SPATA17: variants seen among roughly 807,000 people sequenced by gnomAD.
SPATA17 encodes the protein spermatogenesis-associated protein 17.
SPATA17 carries 53 observed loss-of-function variants against 62.2 expected under a neutral mutation model. The ratio of observed to expected loss-of-function variants is 0.85; its 90% CI spans 0.68 to 1.07. The LOEUF is 1.07. SPATA17 is among the 50% of genes least tolerant of loss of function. The probability of loss-of-function intolerance (pLI) is 0.00; values close to 1 mark genes in which losing one functional copy is unlikely to be tolerated. For missense variants in SPATA17, 466 were observed against 425.5 expected (o/e 1.10, Z -0.84); for synonymous variants, 146 against 146.8 (o/e 0.99, Z 0.04).
At chr1:217,728,808 T>TATC (rs921030007) in intron 5 of SPATA17, among the ~76,000 whole-genome samples, 5 of 152,192 alleles carry the variant, frequency 3.3e-5, no homozygotes, top group African/African-American at 1.2e-4. Context: ...TTTCACGATT[T>TATC]ATCTATTGTG....
At chr1:217,690,473 A>ATTTTTTTTTTTTTTATTTTTTT (rs1671324811) in intron 5 of SPATA17, among the ~76,000 whole-genome samples, 1 of 79,530 alleles carries the variant, frequency 1.3e-5, no homozygotes, top group African/African-American at 5.1e-5. Context: ...TTTATTTTTT[A>ATTTTTTTTTTTTTTATTTTTTT]TTTTTTTTTT....
At chr1:217,739,638 C>T (rs1672583386) in intron 5 of SPATA17, 1 of 151,916 alleles carries the variant, frequency 6.6e-6, no homozygotes, top group Non-Finnish European at 1.5e-5. Flanking sequence ...GGTTTCCATC[C>T]TTTTATTTTT....
At chr1:217,858,408 T>G (rs911302064) in intron 9 of SPATA17, among the ~76,000 whole-genome samples, 3 of 152,188 alleles carry the variant, frequency 2.0e-5, no homozygotes, top group African/African-American at 7.2e-5. Flanking sequence ...GTTTGTCTTG[T>G]TTAATCACAA....
At chr1:217,645,706 G>A (rs1670165737) in intron 1 of SPATA17, among the ~76,000 whole-genome samples, 1 of 152,006 alleles carries the variant, frequency 6.6e-6, no homozygotes, top group African/African-American at 2.4e-5. Context: ...CTGCTCTACT[G>A]GACATTATGT....
At chr1:217,642,223 T>C (rs1301698290) in intron 1 of SPATA17, among the ~76,000 whole-genome samples, 1 of 152,218 alleles carries the variant, frequency 6.6e-6, no homozygotes, top group African/African-American at 2.4e-5. Flanking sequence ...TGGAATATTC[T>C]TTTTTCCTTT....
intron 8 of SPATA17, among the ~76,000 whole-genome samples, chr1:217,784,001 A>G (rs556912650): frequency 6.6e-6 from 1 of 152,064 alleles, no homozygotes; most frequent in Non-Finnish European, 1.5e-5. Flanking sequence ...TTTCTTATAG[A>G]TTCAAATCTA....
At chr1:217,636,699 C>T (rs992471912) in intron 1 of SPATA17, among the ~76,000 whole-genome samples, 3 of 152,186 alleles carry the variant, frequency 2.0e-5, no homozygotes, top group Admixed American at 1.3e-4. Context: ...GCTGGGATTA[C>T]AGGCGTGAGC....
At chr1:217,713,566 AG>A (rs1671929065) in intron 5 of SPATA17, among the ~76,000 whole-genome samples, 1 of 152,142 alleles carries the variant, frequency 6.6e-6, no homozygotes, top group Non-Finnish European at 1.5e-5. Flanking sequence ...CTTTGAGTGA[AG>A]GGGGAGAGAT....
At chr1:217,752,139 A>G (rs1209234609) in intron 6 of SPATA17, among the ~76,000 whole-genome samples, 5 of 151,924 alleles carry the variant, frequency 3.3e-5, no homozygotes, top group African/African-American at 9.7e-5. Flanking sequence ...GTGCTCTCCC[A>G]CCCCAGCCTC....
rs781474046 is a variant in SPATA17, at chr1:217,631,410, C to G, written c.32C>G (p.Ser11Trp). ...ACGTTAGCCCGGCTGCAAGCTAGGT[C>G]GTCGACTGTAGGAAATCAGTACTAC... The part of the protein sequence containing the change: MATLARLQAR[S>W]STVGNQYYFR... The change falls in exon 1 of 11, where the codon TCG becomes TGG. Residue 11 changes from serine to tryptophan, a missense_variant. Transcript: ENST00000366933. 4 of 1,613,954 alleles carry G rather than the reference C, an allele frequency of 2.5e-6. No homozygotes were observed. The African/African-American group carries it at 5.3e-5, about 22-fold the overall frequency.
intron 9 of SPATA17, among the ~76,000 whole-genome samples, chr1:217,811,267 G>A (rs1346172451): frequency 6.6e-6 from 1 of 151,794 alleles, no homozygotes; most frequent in African/African-American, 2.4e-5. Context: ...CTCCTGGCTC[G>A]AACTCAAGCC....
At chr1:217,728,552 T>G (rs1571762690) in intron 5 of SPATA17, among the ~76,000 whole-genome samples, 2 of 152,288 alleles carry the variant, frequency 1.3e-5, no homozygotes, top group Non-Finnish European at 2.9e-5. Flanking sequence ...ATAAAACTCA[T>G]TTGTTTGCTT....
intron 5 of SPATA17, among the ~76,000 whole-genome samples, chr1:217,714,678 G>A (rs1261444338): frequency 6.6e-6 from 1 of 151,500 alleles, no homozygotes; most frequent in Non-Finnish European, 1.5e-5. Context: ...GTAGAGACGG[G>A]GTTTCACCGT....
At chr1:217,637,893 T>C (rs776392054) in intron 1 of SPATA17, among the ~76,000 whole-genome samples, 6 of 152,142 alleles carry the variant, frequency 3.9e-5, no homozygotes, top group Non-Finnish European at 8.8e-5. Flanking sequence ...AAATGTAAAC[T>C]TTTAAACTTA....
chr1:217,803,786 G>A (rs1674369585), intron 9 of SPATA17, among the ~76,000 whole-genome samples: 1 of 152,190 alleles, frequency 6.6e-6, no homozygotes, highest in African/African-American at 2.4e-5. Context: ...GGGAGGCCAA[G>A]GTGGGCAGAT....
At chr1:217,734,444 G>C (rs1672465516) in intron 5 of SPATA17, among the ~76,000 whole-genome samples, 1 of 152,080 alleles carries the variant, frequency 6.6e-6, no homozygotes, top group Admixed American at 6.6e-5. Flanking sequence ...TGCAAGTGAA[G>C]CTCCTGCCTC....
At chr1:217,720,606 A>T (rs1046092739) in intron 5 of SPATA17, among the ~76,000 whole-genome samples, 6 of 152,160 alleles carry the variant, frequency 3.9e-5, no homozygotes, top group Non-Finnish European at 8.8e-5. Flanking sequence ...TTACCTGGGC[A>T]ATATCGTAAG....
chr1:217,725,752 T>TA (rs1672245120), intron 5 of SPATA17, among the ~76,000 whole-genome samples: 2 of 152,134 alleles, frequency 1.3e-5, no homozygotes, highest in Non-Finnish European at 2.9e-5. Flanking sequence ...TGTGAGCCAC[T>TA]ACGCCCAGCC....
intron 6 of SPATA17, among the ~76,000 whole-genome samples, chr1:217,754,621 G>A (rs1323641724): frequency 2.6e-5 from 4 of 152,104 alleles, no homozygotes. Flanking sequence ...ATTTATCCTA[G>A]CTCTTCAGTG....
Sources: gnomAD v4.1 joint callset for allele counts (sites outside exome capture counted in the v4.1 genomes callset) on GRCh38, gnomAD v4.1.1 for gene constraint, MANE v1.5 for transcripts, NCBI Gene and HGNC (gene_info 2026-07-23, HGNC 2026-07-21) for gene names.